CNTN3: variants seen among roughly 807,000 people sequenced by gnomAD.
The protein encoded by CNTN3 is contactin-3.
A neutral mutation model predicts 119.1 loss-of-function variants in CNTN3; 60 were observed. The ratio of observed to expected loss-of-function variants is 0.50; its 90% CI spans 0.41 to 0.62. CNTN3 has a LOEUF of 0.62. Ranked by LOEUF, CNTN3 falls within the 20% of genes least tolerant of loss-of-function variation. CNTN3 has a pLI of 0.00. For missense variants in CNTN3, 1,101 were observed against 1,242.4 expected (o/e 0.89, Z 1.71); for synonymous variants, 450 against 438.7 (o/e 1.03, Z -0.32).
chr3:74,555,586 C>T (rs1282828925), intron 1 of CNTN3, among the ~76,000 whole-genome samples: 1 of 152,138 alleles, frequency 6.6e-6, no homozygotes, highest in Non-Finnish European at 1.5e-5. Context: ...GCCTCAATTT[C>T]AGAACCTGTT....
At chr3:74,548,615 T>C (rs1309430961) in intron 1 of CNTN3, among the ~76,000 whole-genome samples, 1 of 152,198 alleles carries the variant, frequency 6.6e-6, no homozygotes, top group Non-Finnish European at 1.5e-5. Context: ...GTCCTCAATG[T>C]CGCCAATAGG....
At chr3:74,313,246 A>G (rs947719628) in intron 13 of CNTN3, among the ~76,000 whole-genome samples, 16 of 152,180 alleles carry the variant, frequency 1.1e-4, no homozygotes, top group Admixed American at 1.0e-3. Flanking sequence ...GGAGAAAGGG[A>G]AAAAAGCAAT....
chr3:74,547,675 C>T (rs1424050234), intron 1 of CNTN3, among the ~76,000 whole-genome samples: 2 of 152,100 alleles, frequency 1.3e-5, no homozygotes, highest in African/African-American at 2.4e-5. Flanking sequence ...ATATAATTTA[C>T]AAACCTCAAC....
At chr3:74,560,821 A>G (rs1419925041) in intron 1 of CNTN3, among the ~76,000 whole-genome samples, 3 of 152,078 alleles carry the variant, frequency 2.0e-5, no homozygotes, top group Admixed American at 2.0e-4. Flanking sequence ...TGGCACATAC[A>G]CATCATGGAA....
At chr3:74,440,637 A>G (rs894194983) in intron 4 of CNTN3, among the ~76,000 whole-genome samples, 1 of 152,094 alleles carries the variant, frequency 6.6e-6, no homozygotes. Context: ...CTGAACATGT[A>G]TACTTTTTTT....
At chr3:74,466,123 C>G (rs1702456094) in intron 4 of CNTN3, among the ~76,000 whole-genome samples, 2 of 151,998 alleles carry the variant, frequency 1.3e-5, no homozygotes, top group Admixed American at 1.3e-4. Context: ...TGAGCAGACA[C>G]AAAAAGATGC....
At chr3:74,471,760 T>C (rs187412356) in intron 4 of CNTN3, among the ~76,000 whole-genome samples, 157 of 152,310 alleles carry the variant, frequency 1.0e-3, no homozygotes, top group Non-Finnish European at 1.6e-3. Flanking sequence ...AGAATGGAGA[T>C]TGAATTTCAG....
chr3:74,339,846 A>T (rs1246754183), intron 11 of CNTN3, among the ~76,000 whole-genome samples: 3 of 152,026 alleles, frequency 2.0e-5, no homozygotes, highest in African/African-American at 7.2e-5. Flanking sequence ...GAAAGTGTGC[A>T]GACTAATACA....
chr3:74,568,181 C>A (rs80230196), intron 1 of CNTN3, among the ~76,000 whole-genome samples: 1 of 112,470 alleles, frequency 8.9e-6, no homozygotes, highest in Non-Finnish European at 2.0e-5. Context: ...ATAGGAATTA[C>A]TTAATGATTT....
intron 20 of CNTN3, among the ~76,000 whole-genome samples, chr3:74,272,449 T>G (rs541233087): frequency 6.6e-6 from 1 of 152,316 alleles, no homozygotes; most frequent in African/African-American, 2.4e-5. Context: ...CTGGTAAAGT[T>G]CAATATTATA....
At chr3:74,549,927 T>C (rs886438235) in intron 1 of CNTN3, among the ~76,000 whole-genome samples, 1 of 152,202 alleles carries the variant, frequency 6.6e-6, no homozygotes, top group East Asian at 1.9e-4. Flanking sequence ...GAGAACTATA[T>C]ACCATTTGAA....
At chr3:74,602,842 A>G (rs1462671127) in intron 1 of CNTN3, among the ~76,000 whole-genome samples, 1 of 152,170 alleles carries the variant, frequency 6.6e-6, no homozygotes, top group Non-Finnish European at 1.5e-5. Context: ...TTTGAATACA[A>G]TTGCATGGTC....
intron 18 of CNTN3, among the ~76,000 whole-genome samples, chr3:74,297,440 G>A (rs892179475): frequency 2.2e-4 from 34 of 151,982 alleles, no homozygotes; most frequent in African/African-American, 7.7e-4. Flanking sequence ...ATTTCCAAAG[G>A]TGAATCTGAG....
At chr3:74,487,128 T>G (rs529031443) in intron 3 of CNTN3, among the ~76,000 whole-genome samples, 1 of 152,186 alleles carries the variant, frequency 6.6e-6, no homozygotes, top group Non-Finnish European at 1.5e-5. Context: ...ATTCTCCACT[T>G]TTTTAAGCCA....
Position 74,264,305 on chromosome 3 carries a change from A to G in CNTN3, c.*96T>C, listed in dbSNP as rs1299609825. 1 of 490,620 alleles carries G rather than the reference A, an allele frequency of 2.0e-6. No homozygotes were observed. Among genetic ancestry groups the G allele is most frequent in the Non-Finnish European group, 3.5e-6 (1 of 282,582 alleles). 30.4% of individuals were successfully genotyped at this position (490,620 alleles called of 1,614,324 possible). A position where few individuals can be genotyped will look rare whatever the true frequency, so the allele number is the denominator to read the frequency against. On this transcript the variant is annotated 3_prime_UTR_variant, in exon 23 of 23. Coordinates refer to ENST00000263665, the MANE Select transcript of CNTN3 (RefSeq NM_020872.3). ...ATAATGAAGTAGAAAGTTAAAAATA[A>G]GAGTTGAAAAAAACATGCATAATCA...
chr3:74,387,702 G>A (rs190532042), intron 5 of CNTN3, among the ~76,000 whole-genome samples: 20 of 152,286 alleles, frequency 1.3e-4, no homozygotes, highest in Non-Finnish European at 1.8e-4. Flanking sequence ...ATCTTAAGTC[G>A]TGGAAATATC....
chr3:74,536,592 G>A (rs934411006), intron 1 of CNTN3, among the ~76,000 whole-genome samples: 13 of 152,026 alleles, frequency 8.6e-5, no homozygotes, highest in Non-Finnish European at 1.5e-4. Context: ...CTGCCTGGAC[G>A]AATACATTTG....
At chr3:74,386,356 C>A (rs1197465156) in intron 5 of CNTN3, among the ~76,000 whole-genome samples, 1 of 152,062 alleles carries the variant, frequency 6.6e-6, no homozygotes, top group Non-Finnish European at 1.5e-5. Flanking sequence ...CGGTGGCTCA[C>A]GCCTGTAATC....
chr3:74,507,604 T>G (rs1332226891), intron 2 of CNTN3, among the ~76,000 whole-genome samples: 1 of 149,876 alleles, frequency 6.7e-6, no homozygotes, highest in Non-Finnish European at 1.5e-5. Context: ...TCCCTGTTTC[T>G]TTTTCTTTTC....
Sources: allele counts gnomAD v4.1 joint callset (sites outside exome capture counted in the v4.1 genomes callset), GRCh38; gene constraint gnomAD v4.1.1; transcripts MANE v1.5; gene names NCBI Gene and HGNC (gene_info 2026-07-23, HGNC 2026-07-21).